CDHR2: variants seen among roughly 807,000 people sequenced by gnomAD.
CDHR2 encodes the protein cadherin-related family member 2.
CDHR2 carries 104 observed loss-of-function variants against 138.6 expected under a neutral mutation model. The ratio of observed to expected loss-of-function variants is 0.75; its 90% CI spans 0.64 to 0.88. CDHR2 has a LOEUF of 0.88. Among genes scored for constraint, CDHR2 ranks in the 40% least tolerant of loss-of-function variants. The probability of loss-of-function intolerance (pLI) is 0.00; values close to 1 mark genes in which losing one functional copy is unlikely to be tolerated. For synonymous variants in CDHR2, 755 were observed against 742.8 expected, an observed-to-expected ratio of 1.02 and a Z score of -0.27; for missense variants, 1,624 against 1,727.6, an observed-to-expected ratio of 0.94 and a Z score of 1.06.
In CDHR2 at chr5:176,571,231, G is replaced by A. The variant is rs1758222045; in HGVS notation, c.334G>A (p.Val112Met). The A allele has an allele frequency of 1.2e-6, 2 of 1,612,808 alleles. No homozygotes were observed. Among genetic ancestry groups the A allele is most frequent in the African/African-American group, 2.7e-5 (2 of 74,818 alleles). Residue 112 changes from valine to methionine, a missense_variant, in exon 6 of 32, where the codon GTG becomes ATG. By Grantham distance (21) the Val-to-Met change is conservative. Around this residue, in one of 3 missense-constraint regions of CDHR2, gnomAD observed 1,061 missense variants for 1,136.6 expected, o/e 0.93. Coordinates refer to ENST00000261944, the MANE Select transcript of CDHR2 (RefSeq NM_017675.6). ...CTTGCAGGTGCAGAGGGAGATGCTG[G>A]TGATTGTGGAAGATAGAAACGACAA... ...PYIQVQREML[V>M]IVEDRNDNAP...
At chr5:176,574,484 G>A (rs1012513083) in intron 7 of CDHR2, among the ~76,000 whole-genome samples, 4 of 152,178 alleles carry the variant, frequency 2.6e-5, no homozygotes, top group Non-Finnish European at 5.9e-5. Context: ...TGTTGATAGC[G>A]CCATTTACCG....
rs1757765903 is a variant in CDHR2, at chr5:176,553,930, G to C, written c.-16+4516G>C. ...CTGCCCTTGACTCCAGCGCTATGAT[G>C]TCACTCTCCAGGGTGTAGCTGTACC... On this transcript the variant is annotated intron_variant, in intron 1 of 31. Coordinates refer to ENST00000261944, the MANE Select transcript of CDHR2 (RefSeq NM_017675.6). This position sits in a 1 kb window ranked among gnomAD's most constrained non-coding sequence, Gnocchi z 4.3. Among the ~76,000 whole-genome samples the C allele has an allele frequency of 1.3e-5, 2 of 152,192 alleles. No individual in the cohort carries two copies. The highest frequency in any genetic ancestry group is 1.3e-4 in the Admixed American group (2 of 15,282).
upstream of CDHR2, among the ~76,000 whole-genome samples, chr5:176,544,809 CTGTAAGAGCAACGAAGGGACTT>C (rs1581124492): frequency 6.6e-6 from 1 of 152,300 alleles, no homozygotes; most frequent in East Asian, 1.9e-4. Flanking sequence ...GGTTCCTTGT[CTGTAAGAGCAACGAAGGGACTT>C]TGTACCCTGC....
At chr5:176,581,617 C>A (rs1758535462) in intron 17 of CDHR2, 35 bp downstream of exon 17, 6 of 1,596,834 alleles carry the variant, frequency 3.8e-6, no homozygotes, top group Middle Eastern at 1.7e-4. Flanking sequence ...GGCCTGGGGG[C>A]CTCCCAAGCC....
At chr5:176,577,872 G>GTA (rs2113302657) in intron 14 of CDHR2, 74 bp downstream of exon 14, 2 of 1,535,552 alleles carry the variant, frequency 1.3e-6, no homozygotes, top group Non-Finnish European at 8.9e-7. Flanking sequence ...GAGAGTGTGT[G>GTA]TGTGTGTATG....
At chr5:176,558,446 C>T (rs1356624478) in intron 1 of CDHR2, among the ~76,000 whole-genome samples, 1 of 148,070 alleles carries the variant, frequency 6.8e-6, no homozygotes, top group East Asian at 2.0e-4. Flanking sequence ...TGCGATGGTG[C>T]GATTTCGGCC....
chr5:176,584,517 G>C lies in CDHR2; in HGVS notation c.2236G>C (p.Gly746Arg). ...TGGTGCCAACTACTTCATGATCCGA[G>C]GCTTGGTGCTGGGGGCTGGGTGGGC... Reference protein sequence around the residue: ...GSGANYFMIRGLVLGAGWAEG... With the variant: ...GSGANYFMIRRLVLGAGWAEG... Residue 746 changes from glycine to arginine, a missense_variant, in exon 19 of 32, where the codon GGC (glycine) becomes CGC (arginine). Physicochemically the swap from Gly to Arg is moderately radical, Grantham distance 125. Coordinates refer to ENST00000261944, the MANE Select transcript of CDHR2 (RefSeq NM_017675.6). The C allele has an allele frequency of 6.2e-7, 1 of 1,613,722 alleles. No homozygotes were observed. Among genetic ancestry groups the C allele is most frequent in the East Asian group, 2.2e-5 (1 of 44,874 alleles).
chr5:176,553,499 T>C lies in CDHR2; in HGVS notation c.-16+4085T>C, dbSNP rs925312418. 3.9e-5 allele frequency among the ~76,000 whole-genome samples: 6 copies of C among 152,164 alleles called. No individual in the cohort carries two copies. The highest frequency in any genetic ancestry group is 1.2e-4 in the African/African-American group (5 of 41,420). ...ATGATGATGAATCCATCTTGATACC[T>C]GCTGGCTGCACACCTAGTGACTAAT... On this transcript the variant is annotated intron_variant, in intron 1 of 31. Coordinates refer to ENST00000261944, the MANE Select transcript of CDHR2 (RefSeq NM_017675.6). The surrounding 1 kb of genome is among the most constrained non-coding windows in gnomAD (Gnocchi z 4.3).
chr5:176,552,120 C>A (rs1236961774), intron 1 of CDHR2, among the ~76,000 whole-genome samples: 1 of 152,212 alleles, frequency 6.6e-6, no homozygotes, highest in Non-Finnish European at 1.5e-5. Context: ...GCTGCCCCAG[C>A]AGGGAAAAGC....
chr5:176,551,701 C>CTTT (rs34996600), intron 1 of CDHR2, among the ~76,000 whole-genome samples: 13,192 of 114,152 alleles, frequency 0.12, 1,906 homozygotes, highest in African/African-American at 0.27. Context: ...CAAGAGTTCT[C>CTTT]TTTTTTTTTT....
At position 176,584,453 on chromosome 5, in the gene CDHR2, G is replaced by T; in HGVS notation, c.2172G>T (p.Thr724=). 1 of 1,606,512 alleles carries T rather than the reference G, an allele frequency of 6.2e-7. No individual in the cohort carries two copies. Among genetic ancestry groups the T allele is most frequent in the Middle Eastern group, 1.7e-4 (1 of 6,020 alleles). Residue 724 remains threonine (T), a synonymous_variant, in exon 19 of 32, where the codon ACG becomes ACT. Transcript: ENST00000261944. ...GVVKAWDADQ[T]EANNRISFSL... ...TGAAGGCCTGGGACGCGGACCAGAC[G>T]GAAGCCAACAACCGCATCAGCTTCA...
chr5:176,592,592 G>C (rs1485354330), intron 30 of CDHR2, 131 bp from the exon 31 acceptor site: 1 of 722,354 alleles, frequency 1.4e-6, no homozygotes, highest in Non-Finnish European at 2.5e-6. Flanking sequence ...TGTGATGATG[G>C]TGGTGGTGGT....
At position 176,571,280 on chromosome 5, in the gene CDHR2, C is replaced by A. The variant is rs759913188; in HGVS notation, c.383C>A (p.Ala128Asp). Residue 128 changes from alanine (A) to aspartate (D), a missense_variant, in exon 6 of 32, where the codon GCT becomes GAT. By Grantham distance (126) the Ala-to-Asp change is moderately radical. Transcript: ENST00000261944. ...NDNAPVFQNT[A>D]FSTSINETLP... ...AACGCACCCGTTTTCCAGAACACCG[C>A]TTTCTCCACCAGCATCAACGAGGTG... The A allele has an allele frequency of 6.2e-7, 1 of 1,609,562 alleles. No homozygotes were observed. Among genetic ancestry groups the A allele is most frequent in the African/African-American group, 1.3e-5 (1 of 74,596 alleles).
intron 16 of CDHR2, among the ~76,000 whole-genome samples, chr5:176,580,242 CT>C: frequency 6.6e-6 from 1 of 152,182 alleles, no homozygotes; most frequent in South Asian, 2.1e-4. Flanking sequence ...ACATATAGCG[CT>C]GACGGCCGGG....
rs1321288504 is a variant in CDHR2 at position 176,578,264 on chromosome 5, C to T, written c.1575-101C>T. Reference sequence around the variant, plus strand: ...TGAAATAATGAATATGTTGCATATACTGCATGGGATATGCTGAAATATTTG... The same window carrying T: ...TGAAATAATGAATATGTTGCATATATTGCATGGGATATGCTGAAATATTTG... On this transcript the variant is annotated intron_variant, in intron 15 of 31. Transcript: ENST00000261944. The T allele has an allele frequency of 7.1e-6, 9 of 1,271,236 alleles. No homozygotes were observed. The Admixed American group carries it at 8.0e-5, about 11-fold the overall frequency. The allele number at this position is 1,271,236 out of a possible 1,614,324, so 78.7% of individuals were successfully genotyped here.
At chr5:176,565,427 C>T (rs1417122706) in intron 2 of CDHR2, 23 bp downstream of exon 2, 2 of 1,611,306 alleles carry the variant, frequency 1.2e-6, no homozygotes, top group Admixed American at 3.3e-5. Context: ...CCTCCCCAGC[C>T]ACGCAGCCCT....
At chr5:176,586,051 C>T (rs1440307062) in intron 20 of CDHR2, 26 bp downstream of exon 20, 5 of 1,591,702 alleles carry the variant, frequency 3.1e-6, no homozygotes, top group Non-Finnish European at 4.3e-6. Flanking sequence ...ATTCACACAC[C>T]ATACCCCTGC....
upstream of CDHR2, among the ~76,000 whole-genome samples, chr5:176,547,893 A>G (rs543919236): frequency 4.3e-4 from 65 of 152,368 alleles, no homozygotes; most frequent in African/African-American, 1.5e-3. Flanking sequence ...ATGCCTGACT[A>G]TAGCAACTGC....
intron 1 of CDHR2, among the ~76,000 whole-genome samples, chr5:176,558,937 T>C (rs1309063806): frequency 6.6e-6 from 1 of 152,236 alleles, no homozygotes; most frequent in Non-Finnish European, 1.5e-5. Context: ...CAGGAATTGC[T>C]CAACTCTGTT....
Sources: allele counts gnomAD v4.1 joint callset (sites outside exome capture counted in the v4.1 genomes callset), GRCh38; gene constraint gnomAD v4.1.1; regional missense constraint gnomAD v4.1.1; non-coding constraint Gnocchi (gnomAD v3.1); transcripts MANE v1.5; gene names NCBI Gene and HGNC (gene_info 2026-07-23, HGNC 2026-07-21).